The following ADGRV1 variants were observed in gnomAD, a reference collection of about 807,000 sequenced individuals.
ADGRV1 encodes the protein adhesion G protein-coupled receptor V1.
In ADGRV1, 359 loss-of-function variants were observed where a neutral mutation model predicts 596.2. The ratio of observed to expected loss-of-function variants is 0.60; its 90% CI spans 0.55 to 0.66. The LOEUF is 0.66. Ranked by LOEUF, ADGRV1 falls within the 30% of genes least tolerant of loss-of-function variation. The probability of loss-of-function intolerance (pLI) is 0.00; values close to 1 mark genes in which losing one functional copy is unlikely to be tolerated. For missense variants in ADGRV1, 7,274 were observed against 7,575.6 expected (o/e 0.96, Z 1.48); for synonymous variants, 2,681 against 2,679.2 (o/e 1.00, Z -0.02).
At chr5:90,886,858 A>T (rs956425028) in intron 83 of ADGRV1, among the ~76,000 whole-genome samples, 1 of 152,180 alleles carries the variant, frequency 6.6e-6, no homozygotes, top group African/African-American at 2.4e-5. Flanking sequence ...GTGCCAGCAA[A>T]TTCTTTTAAT....
chr5:91,020,810 C>T (rs867113565), intron 85 of ADGRV1, among the ~76,000 whole-genome samples: 1 of 152,018 alleles, frequency 6.6e-6, no homozygotes, highest in South Asian at 2.1e-4. Flanking sequence ...ATTAAGCCTA[C>T]TGAACACCAC....
At chr5:91,158,397 A>G (rs1476394551) in intron 89 of ADGRV1, among the ~76,000 whole-genome samples, 1 of 152,240 alleles carries the variant, frequency 6.6e-6, no homozygotes, top group Non-Finnish European at 1.5e-5. Context: ...ACATCTTAAT[A>G]GAAAACCCTT....
At chr5:91,157,002 C>T (rs562858682) in intron 89 of ADGRV1, among the ~76,000 whole-genome samples, 18 of 152,338 alleles carry the variant, frequency 1.2e-4, no homozygotes, top group East Asian at 1.2e-3. Context: ...TCTTTGAAGT[C>T]GAGCACAGCG....
intron 34 of ADGRV1, among the ~76,000 whole-genome samples, chr5:90,700,046 T>C (rs1747704062): frequency 6.6e-6 from 1 of 152,290 alleles, no homozygotes; most frequent in South Asian, 2.1e-4. Context: ...CCTAAGCCTT[T>C]TCCTAGATTA....
chr5:90,799,565 T>C (rs775764866), intron 70 of ADGRV1, among the ~76,000 whole-genome samples: 5 of 152,134 alleles, frequency 3.3e-5, no homozygotes, highest in Non-Finnish European at 7.4e-5. Context: ...CTTCATAGAA[T>C]TGGAAAAAAC....
intron 21 of ADGRV1, among the ~76,000 whole-genome samples, chr5:90,661,803 TA>T (rs1337285323): frequency 1.3e-5 from 2 of 152,216 alleles, no homozygotes; most frequent in African/African-American, 4.8e-5. Context: ...GTTTGTATCA[TA>T]ATTCTAAACT....
chr5:90,851,712 G>A (rs76448979), intron 79 of ADGRV1, among the ~76,000 whole-genome samples: 1 of 152,170 alleles, frequency 6.6e-6, no homozygotes, highest in East Asian at 1.9e-4. Flanking sequence ...ATTGATCAAG[G>A]TGAATGCATT....
intron 34 of ADGRV1, among the ~76,000 whole-genome samples, chr5:90,702,485 AATT>A (rs554543451): frequency 5.5e-4 from 83 of 152,028 alleles, no homozygotes; most frequent in African/African-American, 2.0e-3. Context: ...TAGTATGAAA[AATT>A]ATTTTGTTTT....
intron 1 of ADGRV1, among the ~76,000 whole-genome samples, chr5:90,581,997 G>A (rs376518272): frequency 2.6e-5 from 4 of 151,938 alleles, no homozygotes; most frequent in South Asian, 2.1e-4. Context: ...AATTTGGAGC[G>A]GTTTTGTTGG....
At chr5:90,829,277 T>G in intron 77 of ADGRV1, 91 bp downstream of exon 77, 1 of 1,080,200 alleles carries the variant, frequency 9.3e-7, no homozygotes, top group Non-Finnish European at 1.2e-6. Context: ...TGATACATTA[T>G]TTTCTGAGGA....
intron 83 of ADGRV1, among the ~76,000 whole-genome samples, chr5:90,946,028 T>C (rs147012347): frequency 2.0e-4 from 31 of 151,964 alleles, no homozygotes; most frequent in African/African-American, 6.5e-4. Context: ...AGCAGACTTA[T>C]ACAATAAGAA....
At chr5:90,928,951 A>G (rs13190091) in intron 83 of ADGRV1, among the ~76,000 whole-genome samples, 49,576 of 144,270 alleles carry the variant, frequency 0.34, 8,557 homozygotes, top group East Asian at 0.57. Flanking sequence ...CTCGGGGGTC[A>G]GGGGTCAGGG....
chr5:90,704,527 C>A (rs1748343366), intron 36 of ADGRV1, 39 bp downstream of exon 36: 1 of 1,290,544 alleles, frequency 7.7e-7, no homozygotes, highest in Non-Finnish European at 1.1e-6. Flanking sequence ...TTGGTATATT[C>A]TTTTCGTAAA....
intron 83 of ADGRV1, among the ~76,000 whole-genome samples, chr5:90,941,383 A>AT (rs1256919629): frequency 6.6e-6 from 1 of 152,212 alleles, no homozygotes; most frequent in Admixed American, 6.5e-5. Flanking sequence ...ACAAATAGCC[A>AT]TTTTTTAAAA....
At chr5:90,729,617 T>C (rs760409368) in intron 49 of ADGRV1, 25 bp from the exon 50 acceptor site, 1 of 1,564,924 alleles carries the variant, frequency 6.4e-7, no homozygotes, top group Non-Finnish European at 8.7e-7. Flanking sequence ...TGCATTAAGA[T>C]TTGACTTCTA....
intron 58 of ADGRV1, among the ~76,000 whole-genome samples, chr5:90,761,073 T>C (rs918585373): frequency 5.9e-5 from 9 of 152,358 alleles, no homozygotes; most frequent in South Asian, 2.1e-4. Context: ...GTAATTCACA[T>C]AGATCACTTT....
Position 90,840,636 on chromosome 5 carries a change from A to G in ADGRV1, c.16670A>G (p.Lys5557Arg). 4 of 1,613,420 alleles carry G rather than the reference A, an allele frequency of 2.5e-6. No individual in the cohort carries two copies. The highest frequency in any genetic ancestry group is 3.4e-6 in the Non-Finnish European group (4 of 1,179,404). ...RTIISPAISG[K>R]DFVITEGTLV... ...ATCATATCTCCAGCTATTTCTGGAA[A>G]GGATTTTGTGATAACTGAAGGCACA... Residue 5557 changes from lysine (K) to arginine (R), a missense_variant, in exon 78 of 90, where the codon AAG becomes AGG. Lys to Arg is a conservative substitution (Grantham distance 26). Transcript: ENST00000405460.
At chr5:91,015,138 C>T (rs781593199) in intron 85 of ADGRV1, among the ~76,000 whole-genome samples, 1 of 151,926 alleles carries the variant, frequency 6.6e-6, no homozygotes, top group African/African-American at 2.4e-5. Flanking sequence ...CATTTTTTTA[C>T]CCAAAAATCA....
In ADGRV1 at chr5:90,690,928, C is replaced by T. The variant is rs1746385058; in HGVS notation, c.6838C>T (p.Leu2280Phe). ...VQWVATINGQ[L>F]ATGDLRVVSG... Reference sequence around the variant, plus strand: ...GTGGGTTGCCACCATTAATGGACAGCTTGCTACTGGCGACCTGCGAGTTGT... The same window carrying T: ...GTGGGTTGCCACCATTAATGGACAGTTTGCTACTGGCGACCTGCGAGTTGT... The change falls in exon 31 of 90, where the codon CTT (leucine) becomes TTT (phenylalanine). Residue 2280 changes from leucine to phenylalanine, a missense_variant. Leu to Phe is a conservative substitution (Grantham distance 22, BLOSUM62 0). Coordinates refer to ENST00000405460, the MANE Select transcript of ADGRV1 (RefSeq NM_032119.4). 1.2e-6 allele frequency: 2 copies of T among 1,613,710 alleles called. No homozygotes were observed. The highest frequency in any genetic ancestry group is 1.7e-6 in the Non-Finnish European group (2 of 1,179,832).
Sources: gnomAD v4.1 joint callset for allele counts (sites outside exome capture counted in the v4.1 genomes callset) on GRCh38, gnomAD v4.1.1 for gene constraint, MANE v1.5 for transcripts, NCBI Gene and HGNC (gene_info 2026-07-23, HGNC 2026-07-21) for gene names.